The following NCR1 variants were observed in gnomAD, a reference collection of about 807,000 sequenced individuals.
NCR1 encodes NK cell-activating receptor.
In NCR1, 30 loss-of-function variants were observed where a neutral mutation model predicts 32.5. The ratio of observed to expected loss-of-function variants is 0.92; its 90% CI spans 0.69 to 1.25. NCR1 has a LOEUF of 1.25. Ranked by LOEUF, NCR1 falls within the 50% of genes most tolerant of loss-of-function variation. The pLI, the probability that NCR1 is intolerant of heterozygous loss-of-function variation, is 0.00. For synonymous variants in NCR1, 169 were observed against 143.4 expected, an observed-to-expected ratio of 1.18 and a Z score of -1.28; for missense variants, 369 against 380.7, an observed-to-expected ratio of 0.97 and a Z score of 0.26.
At chr19:54,911,856 A>G (rs2067992356) in intron 5 of NCR1, among the ~76,000 whole-genome samples, 1 of 151,438 alleles carries the variant, frequency 6.6e-6, no homozygotes. Flanking sequence ...TTACCTGGGT[A>G]TGTGGTGTGT....
rs1848480012 is a variant in NCR1 at position 54,912,881 on chromosome 19, A to G, written c.*10A>G. 1.9e-6 allele frequency: 3 copies of G among 1,611,026 alleles called. No homozygotes were observed. Among genetic ancestry groups the G allele is most frequent in the South Asian group, 1.1e-5 (1 of 90,894 alleles). ...CACACAGACTCTTTGAAGAATGACCATGAGACACAGTGGCCATGGGTGGAT... is the reference window on the plus strand; with the variant it reads ...CACACAGACTCTTTGAAGAATGACCGTGAGACACAGTGGCCATGGGTGGAT... On this transcript the variant is annotated 3_prime_UTR_variant, in exon 7 of 7. Transcript: ENST00000291890.
the NCR1 span, among the ~76,000 whole-genome samples, chr19:54,937,522 A>G: frequency 2.9e-4 from 44 of 150,942 alleles, no homozygotes; most frequent in African/African-American, 1.0e-3. Context: ...AGAAAATTCC[A>G]CCTCTACTAA....
chr19:54,898,549 CTTG>C, the NCR1 span, among the ~76,000 whole-genome samples: 9 of 152,078 alleles, frequency 5.9e-5, no homozygotes, highest in South Asian at 2.1e-4. Context: ...TTAATTAAGT[CTTG>C]TTGTGGGGTT....
upstream of NCR1, among the ~76,000 whole-genome samples, chr19:54,905,868 G>A (rs1407583287): frequency 6.6e-6 from 1 of 152,122 alleles, no homozygotes; most frequent in Non-Finnish European, 1.5e-5. Flanking sequence ...GCATGATTGG[G>A]CACAACTTCC....
At chr19:54,906,832 A>T (rs2067655556) in intron 3 of NCR1, 25 bp downstream of exon 3, 1 of 1,611,274 alleles carries the variant, frequency 6.2e-7, no homozygotes, top group East Asian at 2.2e-5. Context: ...CTCTAACTGG[A>T]GAGTGATCTC....
upstream of NCR1, among the ~76,000 whole-genome samples, chr19:54,903,382 G>A (rs1447976183): frequency 4.0e-5 from 5 of 125,134 alleles, no homozygotes; most frequent in African/African-American, 9.6e-5. Flanking sequence ...ATACATGTAT[G>A]TATATACATA....
chr19:54,912,598 TCAAAAAAAAAAAAAAAAAAAAAAAA>T, intron 6 of NCR1, 67 bp from the exon 7 acceptor site: 1 of 632,590 alleles, frequency 1.6e-6, no homozygotes, highest in Non-Finnish European at 2.3e-6. Context: ...AGGCTCTGTC[TCAAAAAAAAAAAAAAAAAAAAAAAA>T]AAAAAAAAAA....
At chr19:54,907,024 T>C (rs1328655993) in intron 3 of NCR1, among the ~76,000 whole-genome samples, 1 of 152,112 alleles carries the variant, frequency 6.6e-6, no homozygotes, top group Non-Finnish European at 1.5e-5. Context: ...AGTTTCTCCA[T>C]GACACAGATT....
chr19:54,903,524 A>G (rs1021856981), upstream of NCR1, among the ~76,000 whole-genome samples: 4 of 137,594 alleles, frequency 2.9e-5, no homozygotes, highest in South Asian at 2.2e-4. Context: ...ACATGTGTGT[A>G]TACATATATA....
chr19:54,902,603 A>G (rs2067319553), upstream of NCR1, among the ~76,000 whole-genome samples: 1 of 152,072 alleles, frequency 6.6e-6, no homozygotes, highest in Non-Finnish European at 1.5e-5. Flanking sequence ...GTCTGGAATT[A>G]TGTCAAAATT....
chr19:54,931,629 G>A, the NCR1 span, among the ~76,000 whole-genome samples: 2 of 150,964 alleles, frequency 1.3e-5, no homozygotes, highest in African/African-American at 2.4e-5. Flanking sequence ...CGGAGGTTGT[G>A]GTGAGCAGAG....
At chr19:54,933,295 G>A in the NCR1 span, among the ~76,000 whole-genome samples, 1 of 151,920 alleles carries the variant, frequency 6.6e-6, no homozygotes, top group Non-Finnish European at 1.5e-5. Flanking sequence ...ACAGGCATCC[G>A]CCACCACACC....
chr19:54,915,529 G>GT (rs1341763799), downstream of NCR1, among the ~76,000 whole-genome samples: 1 of 152,056 alleles, frequency 6.6e-6, no homozygotes, highest in African/African-American at 2.4e-5. Flanking sequence ...GCTTGCACCC[G>GT]TAATCTCAGC....
intron 5 of NCR1, among the ~76,000 whole-genome samples, chr19:54,911,359 AAAAAGAAAAAG>A (rs2067969321): frequency 7.8e-6 from 1 of 128,140 alleles, no homozygotes; most frequent in Non-Finnish European, 1.7e-5. Context: ...AAAAAAAAAG[AAAAAGAAAAAG>A]AAAAAGAAAA....
the NCR1 span, among the ~76,000 whole-genome samples, chr19:54,932,377 A>C: frequency 6.6e-6 from 1 of 151,844 alleles, no homozygotes; most frequent in African/African-American, 2.4e-5. Flanking sequence ...GCAGTCAGCC[A>C]AGATTACACC....
the NCR1 span, chr19:54,927,537 CAG>C: frequency 6.6e-7 from 1 of 1,513,274 alleles, no homozygotes; most frequent in Non-Finnish European, 9.1e-7. Context: ...GCCTGAATGA[CAG>C]AGCACGACTC....
At chr19:54,905,991 T>C (rs1055455296), upstream of NCR1, among the ~76,000 whole-genome samples, 5 of 152,160 alleles carry the variant, frequency 3.3e-5, no homozygotes, top group African/African-American at 4.8e-5. Flanking sequence ...CACAGATGTG[T>C]CAGAGGGACC....
At chr19:54,903,632 A>G (rs2067375233), upstream of NCR1, among the ~76,000 whole-genome samples, 2 of 143,748 alleles carry the variant, frequency 1.4e-5, no homozygotes, top group African/African-American at 5.1e-5. Context: ...GTACGGTACT[A>G]TGCAGTATAT....
chr19:54,923,647 T>C, the NCR1 span: 97 of 1,382,512 alleles, frequency 7.0e-5, no homozygotes, highest in Admixed American at 4.0e-4. Context: ...CAGACTCTAG[T>C]GTTAACATGT....
Sources: gnomAD v4.1 joint callset for allele counts (sites outside exome capture counted in the v4.1 genomes callset) on GRCh38, gnomAD v4.1.1 for gene constraint, MANE v1.5 for transcripts, NCBI Gene and HGNC (gene_info 2026-07-23, HGNC 2026-07-21) for gene names.